The following GPHN variants were observed in gnomAD, a reference collection of about 807,000 sequenced individuals.
The protein encoded by GPHN is gephyrin.
A neutral mutation model predicts 95.5 loss-of-function variants in GPHN; 17 were observed. The observed-to-expected ratio is 0.18, with a 90% CI of 0.12 to 0.27. GPHN has a LOEUF of 0.27. GPHN is among the 10% of genes least tolerant of loss of function. The probability of loss-of-function intolerance (pLI) is 1.00; values close to 1 mark genes in which losing one functional copy is unlikely to be tolerated. For missense variants in GPHN, 660 were observed against 978.1 expected (o/e 0.67, Z 4.34); for synonymous variants, 320 against 322.5 (o/e 0.99, Z 0.08).
the GPHN span, among the ~76,000 whole-genome samples, chr14:67,646,004 G>A: frequency 5.3e-5 from 8 of 152,330 alleles, 1 homozygote; most frequent in Admixed American, 3.9e-4. Flanking sequence ...TTGTAAGAAA[G>A]CAAGGAGGGG....
At chr14:67,076,618 G>T (rs560486156) in intron 11 of GPHN, among the ~76,000 whole-genome samples, 51 of 151,964 alleles carry the variant, frequency 3.4e-4, no homozygotes, top group Non-Finnish European at 6.2e-4. Context: ...TTTGGTAAGC[G>T]CAGTGAATAG....
intron 13 of GPHN, among the ~76,000 whole-genome samples, chr14:67,102,085 G>T (rs2077736120): frequency 6.6e-6 from 1 of 151,686 alleles, no homozygotes; most frequent in African/African-American, 2.4e-5. Flanking sequence ...TGTTAGCCAG[G>T]ATGGTCTCGA....
At chr14:67,694,179 A>G in the GPHN span, among the ~76,000 whole-genome samples, 1 of 152,124 alleles carries the variant, frequency 6.6e-6, no homozygotes, top group African/African-American at 2.4e-5. Flanking sequence ...CTACCTGCAT[A>G]GTGCGAAAAT....
chr14:66,586,198 A>T (rs943649909), intron 1 of GPHN, among the ~76,000 whole-genome samples: 8 of 144,914 alleles, frequency 5.5e-5, no homozygotes, highest in Non-Finnish European at 1.2e-4. Flanking sequence ...TTTATCAGAG[A>T]CTAGGATTGC....
intron 9 of GPHN, chr14:66,969,234 T>C (rs758026886): frequency 3.3e-5 from 5 of 152,348 alleles, no homozygotes; most frequent in Admixed American, 2.0e-4. Flanking sequence ...TCTTGCTTTA[T>C]GACAGTGAAG....
chr14:67,054,013 T>C (rs1417060202), intron 10 of GPHN, among the ~76,000 whole-genome samples: 4 of 152,168 alleles, frequency 2.6e-5, no homozygotes, highest in Admixed American at 1.3e-4. Flanking sequence ...TCATACTGAA[T>C]GGGAAAAAGC....
At chr14:67,664,755 T>G in the GPHN span, among the ~76,000 whole-genome samples, 3 of 152,194 alleles carry the variant, frequency 2.0e-5, no homozygotes, top group Non-Finnish European at 4.4e-5. Context: ...CACCTCAGCC[T>G]TTCCGCTGCA....
At chr14:67,662,457 A>G in the GPHN span, 3 of 1,610,620 alleles carry the variant, frequency 1.9e-6, no homozygotes, top group Non-Finnish European at 2.5e-6. Flanking sequence ...GAAGAAACAA[A>G]ATTTGTTCCT....
At chr14:66,522,514 C>T (rs1297894771) in intron 1 of GPHN, among the ~76,000 whole-genome samples, 2 of 152,078 alleles carry the variant, frequency 1.3e-5, no homozygotes, top group Non-Finnish European at 2.9e-5. Flanking sequence ...AACCTCTTAA[C>T]CTGTATTTAG....
chr14:66,924,863 G>C (rs1422209086), intron 8 of GPHN, among the ~76,000 whole-genome samples: 1 of 151,650 alleles, frequency 6.6e-6, no homozygotes, highest in East Asian at 1.9e-4. Flanking sequence ...CTGAATGATA[G>C]CTTGCAAAAA....
downstream of GPHN, among the ~76,000 whole-genome samples, chr14:67,182,770 C>T (rs1326053786): frequency 6.6e-6 from 1 of 150,914 alleles, no homozygotes; most frequent in East Asian, 1.9e-4. Context: ...TGATAAATGC[C>T]ATAATACAGA....
At chr14:67,600,499 C>T in the GPHN span, among the ~76,000 whole-genome samples, 1 of 152,178 alleles carries the variant, frequency 6.6e-6, no homozygotes, top group Admixed American at 6.5e-5. Context: ...ACTGGGAGGC[C>T]AAGGCGGGAG....
chr14:66,756,304 TA>T (rs1364705179), intron 2 of GPHN, among the ~76,000 whole-genome samples: 2 of 152,166 alleles, frequency 1.3e-5, no homozygotes, highest in Non-Finnish European at 2.9e-5. Context: ...TGCCCTAACA[TA>T]TTTTTTTAAA....
At chr14:67,242,903 A>G in the GPHN span, among the ~76,000 whole-genome samples, 21 of 152,202 alleles carry the variant, frequency 1.4e-4, no homozygotes, top group African/African-American at 4.3e-4. Context: ...GGGAGAGAAT[A>G]TATAAGTTCT....
intron 11 of GPHN, among the ~76,000 whole-genome samples, chr14:67,087,053 A>C (rs917868377): frequency 6.6e-6 from 1 of 151,768 alleles, no homozygotes; most frequent in Non-Finnish European, 1.5e-5. Flanking sequence ...AAAAAAAAAA[A>C]AAACTCTCTT....
intron 9 of GPHN, among the ~76,000 whole-genome samples, chr14:67,015,541 A>G (rs549272307): frequency 1.3e-5 from 2 of 152,146 alleles, no homozygotes; most frequent in South Asian, 2.1e-4. Context: ...TACTAAAAAT[A>G]CAAAAATTAG....
chr14:66,536,590 T>C (rs767241608), intron 1 of GPHN, among the ~76,000 whole-genome samples: 23 of 152,302 alleles, frequency 1.5e-4, no homozygotes, highest in Non-Finnish European at 2.9e-4. Flanking sequence ...GGGAAGTCTC[T>C]CTCTGTTTTA....
the GPHN span, among the ~76,000 whole-genome samples, chr14:67,621,503 TG>T: frequency 6.6e-6 from 1 of 151,956 alleles, no homozygotes; most frequent in Non-Finnish European, 1.5e-5. Context: ...TCACCCAGGC[TG>T]GAGTGCAGTG....
chr14:66,520,701 C>T (rs201880208), intron 1 of GPHN, among the ~76,000 whole-genome samples: 1 of 146,836 alleles, frequency 6.8e-6, no homozygotes, highest in African/African-American at 2.5e-5. Context: ...GAAATATTTT[C>T]TTTTTTTTTT....
Sources: gnomAD v4.1 joint callset for allele counts (sites outside exome capture counted in the v4.1 genomes callset) on GRCh38, gnomAD v4.1.1 for gene constraint, MANE v1.5 for transcripts, NCBI Gene and HGNC (gene_info 2026-07-23, HGNC 2026-07-21) for gene names.